ACTRT1: variants seen among roughly 807,000 people sequenced by gnomAD.
ACTRT1 encodes actin-related protein T1.
Under a neutral mutation model 1.4 loss-of-function variants are expected in ACTRT1, and 1 was observed. The observed-to-expected ratio is 0.69, with a 90% CI of 0.25 to 3.28. ACTRT1 has a LOEUF of 3.28. Among genes scored for constraint, ACTRT1 ranks in the 30% most tolerant of loss-of-function variants. ACTRT1 has a pLI of 0.20. For missense variants in ACTRT1, 334 were observed against 291.5 expected, an observed-to-expected ratio of 1.15 and a Z score of -1.06; for synonymous variants, 121 against 115.2, an observed-to-expected ratio of 1.05 and a Z score of -0.32.
chrX:128,051,512 T>C lies in ACTRT1; in HGVS notation c.695A>G (p.Lys232Arg), dbSNP rs1377429601. Residue 232 changes from lysine to arginine, a missense_variant, in exon 1 of 1, where the codon AAG (lysine) becomes AGG (arginine). Lys to Arg is a conservative substitution (Grantham distance 26). Transcript: ENST00000371124. ...TGCTCCCAGGACCTCTCCCCGGCTCTTGCGTAGCTCTTTCTCTGGCTCCAA... is the reference window on the plus strand; with the variant it reads ...TGCTCCCAGGACCTCTCCCCGGCTCCTGCGTAGCTCTTTCTCTGGCTCCAA... ...IALEPEKELR[K>R]SRGEVLGAYR... 1 of 1,211,234 alleles carries C rather than the reference T, an allele frequency of 8.3e-7. No individual in the cohort carries two copies. The highest frequency in any genetic ancestry group is 1.1e-6 in the Non-Finnish European group (1 of 895,414).
chrX:128,051,332 T>C lies in ACTRT1; in HGVS notation c.875A>G (p.Asn292Ser), dbSNP rs144040239. 2,165 of 1,207,846 alleles carry C rather than the reference T, an allele frequency of 1.8e-3. 21 individuals are homozygous for C. In the South Asian group the frequency reaches 0.023, roughly 13 times the overall value. ...SIMKCDTDIQNKLYADIVLSG... is the reference protein window; with the variant it reads ...SIMKCDTDIQSKLYADIVLSG... ...GAGTACAATGTCTGCATAAAGTTTA[T>C]TCTGGATGTCAGTGTCACACTTCAT... Residue 292 changes from asparagine to serine, a missense_variant, in exon 1 of 1, where the codon AAT becomes AGT. Asn to Ser is a conservative substitution (Grantham distance 46). Transcript: ENST00000371124.
chrX:128,051,114 C>T lies in ACTRT1; in HGVS notation c.1093G>A (p.Glu365Lys), dbSNP rs778684498. Residue 365 changes from glutamate (E) to lysine (K), a missense_variant, in exon 1 of 1, where the codon GAG (glutamate) becomes AAG (lysine). Glu to Lys is a moderately conservative substitution (Grantham distance 56). Transcript: ENST00000371124. ...CTTTGAACCACAGATGTCCCATACT[C>T]CTTGAAGTCTGCCGAGGTGACCCAC... Reference protein sequence around the residue: ...QMWVTSADFKEYGTSVVQRRC... With the variant: ...QMWVTSADFKKYGTSVVQRRC... The T allele has an allele frequency of 1.2e-5, 15 of 1,210,246 alleles. No individual in the cohort carries two copies. In the East Asian group the frequency reaches 4.5e-4, roughly 36 times the overall value.
In ACTRT1 at chrX:128,051,903, T is replaced by A. The variant is rs746584647; in HGVS notation, c.304A>T (p.Ser102Cys). 3.3e-6 allele frequency: 4 copies of A among 1,211,858 alleles called. No individual in the cohort carries two copies. The highest frequency in any genetic ancestry group is 4.5e-6 in the Non-Finnish European group (4 of 895,560). ...TCGGTCATAAGTACAGGCTGTTGGC[T>A]GGGTTTTACTCCAAGCTCCCGCTCA... is the stretch of plus-strand genomic sequence containing the variant. ...LFERELGVKP[S>C]QQPVLMTEPS... Residue 102 changes from serine (S) to cysteine (C), a missense_variant, in exon 1 of 1, where the codon AGC becomes TGC. Transcript: ENST00000371124.
At position 128,051,980 on chromosome X, in the gene ACTRT1, C is replaced by T. The variant is rs756223404; in HGVS notation, c.227G>A (p.Arg76His). 18 of 1,211,654 alleles carry T rather than the reference C, an allele frequency of 1.5e-5. No individual in the cohort carries two copies. In the South Asian group the frequency reaches 1.9e-4, roughly 13 times the overall value. Reference protein sequence around the residue: ...EALHLHYPIERGLVTGWDDME... With the variant: ...EALHLHYPIEHGLVTGWDDME... ...GTCATCCCATCCTGTTACCAGTCCA[C>T]GCTCAATGGGGTAGTGCAAATGTAG... Residue 76 changes from arginine (R) to histidine (H), a missense_variant, in exon 1 of 1, where the codon CGT (arginine) becomes CAT (histidine). Coordinates refer to ENST00000371124, the MANE Select transcript of ACTRT1 (RefSeq NM_138289.4).
In ACTRT1 at chrX:128,052,298, A is replaced by G. The variant is rs1396863537; in HGVS notation, c.-92T>C. 1 of 1,024,098 alleles carries G rather than the reference A, an allele frequency of 9.8e-7. No individual in the cohort carries two copies. The highest frequency in any genetic ancestry group is 1.9e-5 in the African/African-American group (1 of 52,095). 84.4% of individuals were successfully genotyped at this position (1,024,098 alleles called of 1,213,427 possible). ...GACAGGCACCTTTAGAATTTTTTAA[A>G]CTTCAGGGTTCTGAAGTTTCAAGTT... On this transcript the variant is annotated 5_prime_UTR_variant, in exon 1 of 1. Transcript: ENST00000371124.
In ACTRT1 at chrX:128,051,376, T is replaced by C; in HGVS notation, c.831A>G (p.Lys277=). Reference sequence around the variant, plus strand: ...ACTTCATGATGCTGCTGGAGACCATTTTTGAGAGTCCTGGGCTGTGGATGC... The same window carrying C: ...ACTTCATGATGCTGCTGGAGACCATCTTTGAGAGTCCTGGGCTGTGGATGC... ...QLGIHSPGLS[K]MVSSSIMKCD... Residue 277 remains lysine, a synonymous_variant, in exon 1 of 1, where the codon AAA becomes AAG. Coordinates refer to ENST00000371124, the MANE Select transcript of ACTRT1 (RefSeq NM_138289.4). 1 of 1,210,791 alleles carries C rather than the reference T, an allele frequency of 8.3e-7. No homozygotes were observed. Among genetic ancestry groups the C allele is most frequent in the Non-Finnish European group, 1.1e-6 (1 of 895,351 alleles).
rs1169466854 is a variant in ACTRT1, at chrX:128,051,219, T to A, written c.988A>T (p.Ile330Phe). ...QLASKGTPIKITASPDRCFSA... is the reference protein window; with the variant it reads ...QLASKGTPIKFTASPDRCFSA... ...AAGCATCTATCAGGAGAAGCTGTGA[T>A]CTTGATGGGAGTACCTTTGGAAGCC... is the stretch of plus-strand genomic sequence containing the variant. The change falls in exon 1 of 1, where the codon ATC becomes TTC. Residue 330 changes from isoleucine (I) to phenylalanine (F), a missense_variant. Transcript: ENST00000371124. 8.3e-7 allele frequency: 1 copy of A among 1,210,668 alleles called. No homozygotes were observed. The highest frequency in any genetic ancestry group is 1.1e-6 in the Non-Finnish European group (1 of 895,306).
chrX:128,052,207 G>A lies in ACTRT1; in HGVS notation c.-1C>T, dbSNP rs779898457. ...CATCTAATGCATGTGGATTAAACAT[G>A]TCTGTAATATGTTCTCCTGGACTTC... On this transcript the variant is annotated 5_prime_UTR_variant, in exon 1 of 1. Coordinates refer to ENST00000371124, the MANE Select transcript of ACTRT1 (RefSeq NM_138289.4). The A allele has an allele frequency of 3.4e-6, 4 of 1,181,675 alleles. No homozygotes were observed. The Admixed American group carries it at 9.4e-5, about 28-fold the overall frequency.
chrX:128,052,026 C>A lies in ACTRT1; in HGVS notation c.181G>T (p.Ala61Ser). The change falls in exon 1 of 1, where the codon GCC becomes TCC. Residue 61 changes from alanine (A) to serine (S), a missense_variant. Physicochemically the swap from Ala to Ser is moderately conservative, Grantham distance 99 (BLOSUM62 1). Coordinates refer to ENST00000371124, the MANE Select transcript of ACTRT1 (RefSeq NM_138289.4). ...LNQKYFVGQE[A>S]LYKYEALHLH... ...TGTAGGGCCTCATACTTGTACAGGG[C>A]TTCTTGCCCCACGAAGTACTTCTGA... The A allele has an allele frequency of 8.3e-7, 1 of 1,211,460 alleles. No homozygotes were observed. The highest frequency in any genetic ancestry group is 1.1e-6 in the Non-Finnish European group (1 of 895,433).
Position 128,051,065 on chromosome X carries a change from C to T in ACTRT1, c.*11G>A. 8.3e-7 allele frequency: 1 copy of T among 1,202,317 alleles called. No individual in the cohort carries two copies. Among genetic ancestry groups the T allele is most frequent in the African/African-American group, 1.7e-5 (1 of 57,530 alleles). On this transcript the variant is annotated 3_prime_UTR_variant, in exon 1 of 1. Coordinates refer to ENST00000371124, the MANE Select transcript of ACTRT1 (RefSeq NM_138289.4). Reference sequence around the variant, plus strand: ...CTGACACTTCAAGATGTCTCCTCTGCTCAAGGATCTTTAAAAGCACCTTCT... The same window carrying T: ...CTGACACTTCAAGATGTCTCCTCTGTTCAAGGATCTTTAAAAGCACCTTCT...
chrX:128,052,006 G>A lies in ACTRT1; in HGVS notation c.201C>T (p.Ala67=). ...GCTCAATGGGGTAGTGCAAATGTAG[G>A]GCCTCATACTTGTACAGGGCTTCTT... ...VGQEALYKYE[A]LHLHYPIERG... is the part of the protein sequence containing the mutation. Residue 67 remains alanine, a synonymous_variant, in exon 1 of 1, where the codon GCC becomes GCT. Transcript: ENST00000371124. The A allele has an allele frequency of 8.3e-7, 1 of 1,211,159 alleles. No homozygotes were observed. Among genetic ancestry groups the A allele is most frequent in the Non-Finnish European group, 1.1e-6 (1 of 895,326 alleles).
Position 128,051,230 on chromosome X carries a change from G to C in ACTRT1, c.977C>G (p.Thr326Ser). The part of the protein sequence containing the change: ...KEVEQLASKG[T>S]PIKITASPDR... ...AGGAGAAGCTGTGATCTTGATGGGA[G>C]TACCTTTGGAAGCCAGCTGTTCCAC... The change falls in exon 1 of 1, where the codon ACT becomes AGT. Residue 326 changes from threonine (T) to serine (S), a missense_variant. Physicochemically the swap from Thr to Ser is moderately conservative, Grantham distance 58. Coordinates refer to ENST00000371124, the MANE Select transcript of ACTRT1 (RefSeq NM_138289.4). 2 of 1,210,898 alleles carry C rather than the reference G, an allele frequency of 1.7e-6. No homozygotes were observed. Among genetic ancestry groups the C allele is most frequent in the Non-Finnish European group, 2.2e-6 (2 of 895,354 alleles).
chrX:128,051,696 C>G lies in ACTRT1; in HGVS notation c.511G>C (p.Gly171Arg). The stretch of plus-strand genomic sequence containing the variant: ...GTGACTGCGTGAGGCAGGGAGTAAC[C>G]CTCAAAGATGGGGACAGTGCAAGTG... ...GVTCTVPIFE[G>R]YSLPHAVTKL... Residue 171 changes from glycine to arginine, a missense_variant, in exon 1 of 1, where the codon GGT (glycine) becomes CGT (arginine). Transcript: ENST00000371124. 1 of 1,211,213 alleles carries G rather than the reference C, an allele frequency of 8.3e-7. No individual in the cohort carries two copies. The highest frequency in any genetic ancestry group is 1.1e-6 in the Non-Finnish European group (1 of 895,403).
rs1322096014 is a variant in ACTRT1, at chrX:128,051,537, A to T, written c.670T>A (p.Leu224Met). The change falls in exon 1 of 1, where the codon TTG (leucine) becomes ATG (methionine). Residue 224 changes from leucine to methionine, a missense_variant. By Grantham distance (15) the Leu-to-Met change is conservative. Coordinates refer to ENST00000371124, the MANE Select transcript of ACTRT1 (RefSeq NM_138289.4). The stretch of plus-strand genomic sequence containing the variant: ...TTGCGTAGCTCTTTCTCTGGCTCCA[A>T]GGCGATGTAGCACAACTTCTCTTTG... The part of the protein sequence containing the change: ...NIKEKLCYIA[L>M]EPEKELRKSR... 2 of 1,208,786 alleles carry T rather than the reference A, an allele frequency of 1.7e-6. No homozygotes were observed. Among genetic ancestry groups the T allele is most frequent in the African/African-American group, 3.5e-5 (2 of 56,761 alleles).
chrX:128,051,509 C>A lies in ACTRT1; in HGVS notation c.698G>T (p.Ser233Ile). The change falls in exon 1 of 1, where the codon AGC becomes ATC. Residue 233 changes from serine (S) to isoleucine (I), a missense_variant. Transcript: ENST00000371124. ...GTATGCTCCCAGGACCTCTCCCCGG[C>A]TCTTGCGTAGCTCTTTCTCTGGCTC... ...ALEPEKELRK[S>I]RGEVLGAYRL... The A allele has an allele frequency of 8.3e-7, 1 of 1,211,155 alleles. No individual in the cohort carries two copies. The highest frequency in any genetic ancestry group is 1.1e-6 in the Non-Finnish European group (1 of 895,415).
rs138430204 is a variant in ACTRT1 at position 128,052,182 on chromosome X, C to T, written c.25G>A (p.Val9Ile). 75 of 1,199,213 alleles carry T rather than the reference C, an allele frequency of 6.3e-5. No homozygotes were observed. The African/African-American group carries it at 9.8e-4, about 16-fold the overall frequency. Reference protein sequence around the residue: MFNPHALDVPAVIFDNGSG... With the variant: MFNPHALDIPAVIFDNGSG... ...CCATTGTCAAAAATTACAGCAGGAA[C>T]ATCTAATGCATGTGGATTAAACATG... Residue 9 changes from valine (V) to isoleucine (I), a missense_variant, in exon 1 of 1, where the codon GTT becomes ATT. By Grantham distance (29) the Val-to-Ile change is conservative. Coordinates refer to ENST00000371124, the MANE Select transcript of ACTRT1 (RefSeq NM_138289.4).
At position 128,052,079 on chromosome X, in the gene ACTRT1, T is replaced by C; in HGVS notation, c.128A>G (p.Lys43Arg). The change falls in exon 1 of 1, where the codon AAA (lysine) becomes AGA (arginine). Residue 43 changes from lysine (K) to arginine (R), a missense_variant. By Grantham distance (26) the Lys-to-Arg change is conservative. Transcript: ENST00000371124. ...HVISSVLGHC[K>R]FNVPLARLNQ... ...AAGTCTTGCTAAAGGCACATTGAAT[T>C]TACAATGTCCCAAGACGGAGCTGAT... 8.3e-7 allele frequency: 1 copy of C among 1,211,496 alleles called. No individual in the cohort carries two copies. The highest frequency in any genetic ancestry group is 1.8e-5 in the South Asian group (1 of 56,965).
Position 128,052,373 on chromosome X carries a change from A to C in ACTRT1, c.-167T>G. On this transcript the variant is annotated 5_prime_UTR_variant, in exon 1 of 1. An upstream start codon of the reference 5' UTR is lost. Coordinates refer to ENST00000371124, the MANE Select transcript of ACTRT1 (RefSeq NM_138289.4). ...TACCTTCAGTCCACCAGGACACCCC[A>C]TCCTCAACCTCTGAATCTTATCTCC... 1 of 459,310 alleles carries C rather than the reference A, an allele frequency of 2.2e-6. No homozygotes were observed. The highest frequency in any genetic ancestry group is 3.6e-6 in the Non-Finnish European group (1 of 277,086). The allele number at this position is 459,310 out of a possible 1,213,427, so 37.9% of individuals were successfully genotyped here.
In ACTRT1 at chrX:128,051,852, G is replaced by A. The variant is rs767426435; in HGVS notation, c.355C>T (p.Arg119Ter). The A allele has an allele frequency of 2.5e-6, 3 of 1,209,598 alleles. No homozygotes were observed. The highest frequency in any genetic ancestry group is 1.1e-6 in the Non-Finnish European group (1 of 895,174). Reference protein sequence around the residue: ...TEPSLNPREIREKLAEMMFET... With the variant: ...TEPSLNPREI ...AACATCATTTCTGCTAGCTTTTCTC[G>A]AATTTCCCTAGGATTCAAAGAGGGC... is the stretch of plus-strand genomic sequence containing the variant. The change falls in exon 1 of 1, where the codon CGA (arginine) becomes TGA (stop). Residue 119 changes from arginine to a stop codon, truncating the protein, a stop_gained. Transcript: ENST00000371124. LOFTEE classifies it low-confidence loss of function (END_TRUNC).
Sources: gnomAD v4.1 joint callset for allele counts on GRCh38, gnomAD v4.1.1 for gene constraint, MANE v1.5 for transcripts, NCBI Gene and HGNC (gene_info 2026-07-23, HGNC 2026-07-21) for gene names.